SETDB2: variants seen among roughly 807,000 people sequenced by gnomAD.
SETDB2 encodes histone-lysine N-methyltransferase SETDB2.
SETDB2 carries 56 observed loss-of-function variants against 82.5 expected under a neutral mutation model. The observed-to-expected ratio is 0.68, with a 90% CI of 0.55 to 0.85. The LOEUF is 0.85. Among genes scored for constraint, SETDB2 ranks in the 40% least tolerant of loss-of-function variants. The pLI, the probability that SETDB2 is intolerant of heterozygous loss-of-function variation, is 0.00. For synonymous variants in SETDB2, 272 were observed against 284.9 expected (o/e 0.95, Z 0.46); for missense variants, 677 against 816.4 (o/e 0.83, Z 2.08).
chr13:49,488,670 T>G, intron 12 of SETDB2, 40 bp downstream of exon 12: 2 of 1,471,164 alleles, frequency 1.4e-6, no homozygotes, highest in South Asian at 1.4e-5. Context: ...TGAACAACTG[T>G]TTTTTTCTAT....
In SETDB2 at chr13:49,494,351, G is replaced by A. The variant is rs964126784; in HGVS notation, c.*2502G>A. The A allele has an allele frequency of 6.6e-6, 1 of 151,772 alleles. No homozygotes were observed. The highest frequency in any genetic ancestry group is 2.4e-5 in the African/African-American group (1 of 41,282). The allele number at this position is 151,772 out of a possible 1,614,324, so 9.4% of individuals were successfully genotyped here. A position where few individuals can be genotyped will look rare whatever the true frequency, so the allele number is the denominator to read the frequency against. On this transcript the variant is annotated 3_prime_UTR_variant, in exon 14 of 14. Coordinates refer to ENST00000611815, the MANE Select transcript of SETDB2 (RefSeq NM_001160308.3). ...CAGGCATGCATCTCTGTATTCTTTC[G>A]GCATAATCTGTGTCCTCCAGGGTTT...
intron 6 of SETDB2, 129 bp downstream of exon 6, chr13:49,477,168 G>A: frequency 2.4e-6 from 2 of 835,558 alleles, no homozygotes; most frequent in South Asian, 2.1e-5. Context: ...GGGCGTGGTG[G>A]CCCACGTGTG....
At chr13:49,455,648 C>T (rs9562881) in intron 2 of SETDB2, among the ~76,000 whole-genome samples, 6,470 of 152,070 alleles carry the variant, frequency 0.043, 217 homozygotes, top group East Asian at 0.16. Flanking sequence ...TGAATTTTGT[C>T]ATTAGCAAGA....
At chr13:49,480,538 C>T (rs1958456905) in intron 7 of SETDB2, among the ~76,000 whole-genome samples, 1 of 152,184 alleles carries the variant, frequency 6.6e-6, no homozygotes, top group Non-Finnish European at 1.5e-5. Context: ...GCAGAGTGTA[C>T]TTGAACACTC....
At chr13:49,472,597 A>C (rs569798595) in intron 5 of SETDB2, among the ~76,000 whole-genome samples, 1 of 152,098 alleles carries the variant, frequency 6.6e-6, no homozygotes, top group South Asian at 2.1e-4. Context: ...TCAGTAATGT[A>C]TCTTCACACC....
intron 5 of SETDB2, among the ~76,000 whole-genome samples, chr13:49,470,148 C>T (rs1008195570): frequency 3.9e-5 from 6 of 152,124 alleles, no homozygotes; most frequent in African/African-American, 7.2e-5. Flanking sequence ...GAGTTGGTTT[C>T]TTTAACTGTT....
Position 49,451,903 on chromosome 13 carries a change from A to T in SETDB2, c.10A>T (p.Lys4Ter). The change falls in exon 2 of 14, where the codon AAA becomes TAA. Residue 4 changes from lysine to a stop codon, truncating the protein, a stop_gained. Transcript: ENST00000611815. LOFTEE classifies it high-confidence loss of function. Reference sequence around the variant, plus strand: ...TAAGCGACATCAAAAGATGGGAGAAAAAAATGGTAGGTTGAAGAACACACT... The same window carrying T: ...TAAGCGACATCAAAAGATGGGAGAATAAAATGGTAGGTTGAAGAACACACT... MGE[K>*]NGDAKTFWME... 6.3e-7 allele frequency: 1 copy of T among 1,596,346 alleles called. No homozygotes were observed. The highest frequency in any genetic ancestry group is 1.1e-5 in the South Asian group (1 of 88,924).
At chr13:49,473,247 A>G (rs777519292) in intron 5 of SETDB2, among the ~76,000 whole-genome samples, 1 of 152,112 alleles carries the variant, frequency 6.6e-6, no homozygotes, top group Non-Finnish European at 1.5e-5. Flanking sequence ...GCAAAACAGG[A>G]ACCAAAAAAT....
At chr13:49,450,158 G>A (rs566512299) in intron 1 of SETDB2, among the ~76,000 whole-genome samples, 1 of 152,124 alleles carries the variant, frequency 6.6e-6, no homozygotes, top group South Asian at 2.1e-4. Flanking sequence ...TTTGTCTAGC[G>A]ATGTGTGTTA....
At chr13:49,481,890 A>C (rs779686692) in intron 8 of SETDB2, 2 of 204,138 alleles carry the variant, frequency 9.8e-6, no homozygotes, top group Non-Finnish European at 1.7e-5. Flanking sequence ...AAAATTACTC[A>C]TCTGAAAAAT....
chr13:49,455,124 T>C (rs1485870177), intron 2 of SETDB2, among the ~76,000 whole-genome samples: 1 of 152,216 alleles, frequency 6.6e-6, no homozygotes, highest in African/African-American at 2.4e-5. Flanking sequence ...GAAATATCTT[T>C]AATAACTGGC....
At position 49,454,028 on chromosome 13, in the gene SETDB2, C is replaced by T. The variant is rs958592553; in HGVS notation, c.16+2119C>T. Among the ~76,000 whole-genome samples the T allele has an allele frequency of 2.6e-5, 4 of 152,254 alleles. No individual in the cohort carries two copies. In the South Asian group the frequency reaches 8.3e-4, roughly 32 times the overall value. On this transcript the variant is annotated intron_variant, in intron 2 of 13. Transcript: ENST00000611815. Reference sequence around the variant, plus strand: ...GATCATTTTAGTCTCCTCACCTTATCTGTATGCTCCCACTCCAGTAGTAAA... The same window carrying T: ...GATCATTTTAGTCTCCTCACCTTATTTGTATGCTCCCACTCCAGTAGTAAA...
chr13:49,451,583 G>A lies in SETDB2; in HGVS notation c.-311G>A, dbSNP rs1263118978. 1 of 172,546 alleles carries A rather than the reference G, an allele frequency of 5.8e-6. No individual in the cohort carries two copies. Among genetic ancestry groups the A allele is most frequent in the Non-Finnish European group, 1.2e-5 (1 of 82,220 alleles). The allele number at this position is 172,546 out of a possible 1,614,324, so 10.7% of individuals were successfully genotyped here. ...TTCATCCATTTGTGGACCAAAAGATGGAGTTGGTTTTTATTTTTAAAAAGA... is the reference window on the plus strand; with the variant it reads ...TTCATCCATTTGTGGACCAAAAGATAGAGTTGGTTTTTATTTTTAAAAAGA... On this transcript the variant is annotated 5_prime_UTR_variant, in exon 2 of 14. It removes an upstream start codon present in the reference 5' UTR. Transcript: ENST00000611815.
rs7337488 is a variant in SETDB2, at chr13:49,494,492, A to G, written c.*2643A>G. The G allele has an allele frequency of 0.81, 123,129 of 152,174 alleles. 50,401 individuals are homozygous for G. Among genetic ancestry groups the G allele is most frequent in the African/African-American group, 0.93 (38,779 of 41,532 alleles). The allele number at this position is 152,174 out of a possible 1,614,324, so 9.4% of individuals were successfully genotyped here. A position where few individuals can be genotyped will look rare whatever the true frequency, so the allele number is the denominator to read the frequency against. On this transcript the variant is annotated 3_prime_UTR_variant, in exon 14 of 14. Transcript: ENST00000611815. ...AGTGTGGAACACCAAAAAGCTTACT[A>G]TAAGCTGAGAGTGTGGTAAAGGGCT...
chr13:49,464,375 C>A (rs1277804032), intron 4 of SETDB2, among the ~76,000 whole-genome samples: 3 of 152,110 alleles, frequency 2.0e-5, no homozygotes, highest in Non-Finnish European at 4.4e-5. Context: ...GTCTTCAATT[C>A]AAAATAATCT....
chr13:49,446,272 G>T, intron 1 of SETDB2: 1 of 421,970 alleles, frequency 2.4e-6, no homozygotes, highest in Non-Finnish European at 4.7e-6. Flanking sequence ...TCCAGATTTT[G>T]ACCTTGAGTT....
intron 13 of SETDB2, 92 bp downstream of exon 13, chr13:49,491,002 C>T (rs1245281869): frequency 1.9e-5 from 20 of 1,041,078 alleles, no homozygotes; most frequent in Non-Finnish European, 2.7e-5. Flanking sequence ...CCTGTAATCC[C>T]AGCACTTTGG....
In SETDB2 at chr13:49,491,945, G is replaced by A. The variant is rs774926518; in HGVS notation, c.*96G>A. On this transcript the variant is annotated 3_prime_UTR_variant, in exon 14 of 14. Coordinates refer to ENST00000611815, the MANE Select transcript of SETDB2 (RefSeq NM_001160308.3). ...AGGTCCATCAAGGAAATTCCCCTCC[G>A]TTTTCCTTTGTCATGGGGTTTATGT... 12 of 840,784 alleles carry A rather than the reference G, an allele frequency of 1.4e-5. No individual in the cohort carries two copies. Among genetic ancestry groups the A allele is most frequent in the Admixed American group, 5.1e-5 (3 of 58,382 alleles). 52.1% of individuals were successfully genotyped at this position (840,784 alleles called of 1,614,324 possible).
At chr13:49,481,228 A>G in intron 8 of SETDB2, 112 bp downstream of exon 8, 2 of 899,264 alleles carry the variant, frequency 2.2e-6, no homozygotes, top group Non-Finnish European at 3.3e-6. Context: ...GAGTAACAGT[A>G]TCTAAGAGGA....
Sources: allele counts gnomAD v4.1 joint callset (sites outside exome capture counted in the v4.1 genomes callset), GRCh38; gene constraint gnomAD v4.1.1; transcripts MANE v1.5; gene names NCBI Gene and HGNC (gene_info 2026-07-23, HGNC 2026-07-21).